KCNH1: variants seen among roughly 807,000 people sequenced by gnomAD.
KCNH1 encodes potassium voltage-gated channel subfamily H member 1.
In KCNH1, 27 loss-of-function variants were observed where a neutral mutation model predicts 69.2. The ratio of observed to expected loss-of-function variants is 0.39; its 90% CI spans 0.29 to 0.54. The LOEUF is 0.54. Ranked by LOEUF, KCNH1 falls within the 20% of genes least tolerant of loss-of-function variation. The pLI is 0.68. For missense variants in KCNH1, 798 were observed against 1,261.6 expected, an observed-to-expected ratio of 0.63 and a Z score of 5.57; for synonymous variants, 456 against 487.7, an observed-to-expected ratio of 0.93 and a Z score of 0.86.
intron 9 of KCNH1, among the ~76,000 whole-genome samples, chr1:210,788,894 CACCGTTT>C (rs1684160855): frequency 6.7e-6 from 1 of 148,706 alleles, no homozygotes; most frequent in African/African-American, 2.6e-5. Flanking sequence ...GACGGGGTTT[CACCGTTT>C]TAGCCGGGAT....
chr1:210,863,919 G>A lies in KCNH1; in HGVS notation c.1462+55721C>T, dbSNP rs563862340. Among the ~76,000 whole-genome samples, 4 of 152,270 alleles carry A rather than the reference G, an allele frequency of 2.6e-5. No individual in the cohort carries two copies. The South Asian group carries it at 6.2e-4, about 24-fold the overall frequency. On this transcript the variant is annotated intron_variant, in intron 7 of 10. Coordinates refer to ENST00000271751, the MANE Select transcript of KCNH1 (RefSeq NM_172362.3). The stretch of plus-strand genomic sequence containing the variant: ...GAAAGGCCTCAAGTGGTAGTTTTTG[G>A]AGCTCCCGATCATACAAGCACATGC...
Position 210,683,868 on chromosome 1 carries a change from C to T in KCNH1, c.2383G>A (p.Ala795Thr). Residue 795 changes from alanine (A) to threonine (T), a missense_variant, in exon 11 of 11, where the codon GCC becomes ACC. Coordinates refer to ENST00000271751, the MANE Select transcript of KCNH1 (RefSeq NM_172362.3). The surrounding 1 kb of genome is among the most constrained non-coding windows in gnomAD (Gnocchi z 5.7). ...GCTGCCTGGAAGGATACGGGCGTGG[C>T]AGGACTCTCACGCACGGTGACCACG... ...ASVVTVRESP[A>T]TPVSFQAAST... The T allele has an allele frequency of 6.2e-7, 1 of 1,614,138 alleles. No individual in the cohort carries two copies. The highest frequency in any genetic ancestry group is 8.5e-7 in the Non-Finnish European group (1 of 1,180,030).
chr1:211,026,376 C>CAAAAAAAAAAAAAAAAAA (rs34132386), intron 5 of KCNH1, among the ~76,000 whole-genome samples: 2 of 72,690 alleles, frequency 2.8e-5, no homozygotes, highest in Non-Finnish European at 5.9e-5. Context: ...GGAGTATAGA[C>CAAAAAAAAAAAAAAAAAA]AAAAAAAAAA....
chr1:210,836,076 C>T (rs980650230), intron 7 of KCNH1, among the ~76,000 whole-genome samples: 6 of 139,180 alleles, frequency 4.3e-5, no homozygotes, highest in African/African-American at 1.7e-4. Flanking sequence ...TGCACCACTG[C>T]ACTCCAGCCT....
intron 5 of KCNH1, among the ~76,000 whole-genome samples, chr1:211,046,272 C>T (rs1014266615): frequency 2.6e-5 from 4 of 152,042 alleles, no homozygotes; most frequent in Non-Finnish European, 5.9e-5. Flanking sequence ...TCTTAAAATA[C>T]TATTATAATC....
chr1:210,902,347 G>C (rs1284340744), intron 7 of KCNH1, among the ~76,000 whole-genome samples: 1 of 152,216 alleles, frequency 6.6e-6, no homozygotes, highest in Non-Finnish European at 1.5e-5. Context: ...AGGAAAAAGA[G>C]AACAAATTAA....
chr1:210,929,848 T>C (rs987046982), intron 6 of KCNH1, among the ~76,000 whole-genome samples: 3 of 152,188 alleles, frequency 2.0e-5, no homozygotes, highest in South Asian at 2.1e-4. Flanking sequence ...ACAAAATTAA[T>C]GTACACAAAT....
At chr1:210,884,476 A>C (rs11119627) in intron 7 of KCNH1, among the ~76,000 whole-genome samples, 26,119 of 152,168 alleles carry the variant, frequency 0.17, 2,863 homozygotes, top group East Asian at 0.43. Context: ...CAAAGTTCAG[A>C]GAGCTTAAAT....
intron 5 of KCNH1, among the ~76,000 whole-genome samples, chr1:211,040,022 T>A (rs2102430787): frequency 6.6e-6 from 1 of 152,134 alleles, no homozygotes; most frequent in South Asian, 2.1e-4. Flanking sequence ...ACCCCGTCTC[T>A]ACTAAAAAAA....
intron 10 of KCNH1, among the ~76,000 whole-genome samples, chr1:210,718,466 TA>T (rs1682341560): frequency 7.8e-5 from 2 of 25,606 alleles, no homozygotes. Flanking sequence ...TACATATATG[TA>T]TATATATAAA....
intron 10 of KCNH1, among the ~76,000 whole-genome samples, chr1:210,704,766 A>C (rs1422221908): frequency 6.6e-6 from 1 of 152,228 alleles, no homozygotes; most frequent in Non-Finnish European, 1.5e-5. Context: ...CTAACAGTAA[A>C]TTTATAAACC....
chr1:211,079,048 A>G (rs1480231875), intron 5 of KCNH1, among the ~76,000 whole-genome samples: 1 of 152,120 alleles, frequency 6.6e-6, no homozygotes, highest in African/African-American at 2.4e-5. Flanking sequence ...GAAAAGATCA[A>G]CAAAATTGAT....
At chr1:211,075,084 A>G (rs1050601838) in intron 5 of KCNH1, among the ~76,000 whole-genome samples, 1 of 152,228 alleles carries the variant, frequency 6.6e-6, no homozygotes, top group Non-Finnish European at 1.5e-5. Flanking sequence ...GTGTAGCCGA[A>G]TAAGAGTGAG....
intron 6 of KCNH1, among the ~76,000 whole-genome samples, chr1:210,988,870 A>T (rs181186413): frequency 1.3e-5 from 2 of 152,218 alleles, no homozygotes; most frequent in South Asian, 2.1e-4. Context: ...AGACCTGACA[A>T]TGTTCAATAA....
At chr1:211,023,317 T>G (rs1470769562) in intron 5 of KCNH1, among the ~76,000 whole-genome samples, 1 of 151,680 alleles carries the variant, frequency 6.6e-6, no homozygotes, top group Non-Finnish European at 1.5e-5. Flanking sequence ...TGGGTATATA[T>G]CCAAAGGAAA....
intron 10 of KCNH1, among the ~76,000 whole-genome samples, chr1:210,744,725 G>A (rs1426406473): frequency 6.6e-6 from 1 of 152,040 alleles, no homozygotes; most frequent in Non-Finnish European, 1.5e-5. Context: ...GTTGATCTAG[G>A]GTGGGGTCAT....
intron 6 of KCNH1, among the ~76,000 whole-genome samples, chr1:210,996,542 G>A (rs1689044416): frequency 6.6e-6 from 1 of 152,206 alleles, no homozygotes; most frequent in South Asian, 2.1e-4. Context: ...GCCTCTGTAG[G>A]CTCCACCTCT....
At chr1:210,697,427 G>C (rs758716554) in intron 10 of KCNH1, among the ~76,000 whole-genome samples, 47 of 152,206 alleles carry the variant, frequency 3.1e-4, no homozygotes, top group Admixed American at 1.9e-3. Flanking sequence ...TCCAGGCCTG[G>C]GGGTTGAGAG....
At chr1:210,920,836 A>T (rs2102562928) in intron 6 of KCNH1, among the ~76,000 whole-genome samples, 1 of 152,312 alleles carries the variant, frequency 6.6e-6, no homozygotes, top group Non-Finnish European at 1.5e-5. Context: ...GACACCACCT[A>T]CTTAAATACA....
Sources: gnomAD v4.1 joint callset for allele counts (sites outside exome capture counted in the v4.1 genomes callset) on GRCh38, gnomAD v4.1.1 for gene constraint, Gnocchi (gnomAD v3.1) non-coding constraint, MANE v1.5 for transcripts, NCBI Gene and HGNC (gene_info 2026-07-23, HGNC 2026-07-21) for gene names.